ST6GAL2: variants seen among roughly 807,000 people sequenced by gnomAD.
ST6GAL2 encodes the protein beta-galactoside alpha-2,6-sialyltransferase 2.
ST6GAL2 carries 24 observed loss-of-function variants against 37.5 expected under a neutral mutation model. The ratio of observed to expected loss-of-function variants is 0.64; its 90% CI spans 0.46 to 0.90. The LOEUF (loss-of-function observed/expected upper bound fraction) is 0.90, where lower values mean the gene tolerates loss of function less well. ST6GAL2 is among the 40% of genes least tolerant of loss of function. The probability of loss-of-function intolerance (pLI) is 0.00; values close to 1 mark genes in which losing one functional copy is unlikely to be tolerated. For missense variants in ST6GAL2, 715 were observed against 712.7 expected (o/e 1.00, Z -0.04); for synonymous variants, 306 against 295.1 (o/e 1.04, Z -0.38).
chr2:106,830,442 G>A (rs950076118), intron 4 of ST6GAL2, among the ~76,000 whole-genome samples: 17 of 152,192 alleles, frequency 1.1e-4, no homozygotes, highest in Admixed American at 5.2e-4. Flanking sequence ...AGCCCTAGCA[G>A]ATATAATGCT....
intron 5 of ST6GAL2, among the ~76,000 whole-genome samples, chr2:106,826,148 G>A (rs1676193832): frequency 1.3e-5 from 2 of 152,214 alleles, no homozygotes; most frequent in African/African-American, 4.8e-5. Flanking sequence ...CCTGTTAAAT[G>A]TATGCAGTGG....
chr2:106,875,379 T>C (rs1179811135), intron 1 of ST6GAL2, among the ~76,000 whole-genome samples: 1 of 152,164 alleles, frequency 6.6e-6, no homozygotes. Context: ...GGTTTCGCCA[T>C]GTTGCCCAGG....
intron 5 of ST6GAL2, among the ~76,000 whole-genome samples, chr2:106,829,259 C>A (rs992508442): frequency 3.9e-5 from 6 of 152,152 alleles, no homozygotes; most frequent in African/African-American, 9.7e-5. Context: ...GTAACTCTGG[C>A]CAATAGAATT....
intron 1 of ST6GAL2, among the ~76,000 whole-genome samples, chr2:106,864,381 A>T (rs1351044105): frequency 6.6e-6 from 1 of 152,156 alleles, no homozygotes. Context: ...CCTTTCCATG[A>T]CCAGTGATTG....
intron 1 of ST6GAL2, among the ~76,000 whole-genome samples, chr2:106,880,716 A>T (rs1240384305): frequency 6.6e-6 from 1 of 152,176 alleles, no homozygotes; most frequent in African/African-American, 2.4e-5. Flanking sequence ...CCCAGAGATA[A>T]GCCACATAGG....
intron 1 of ST6GAL2, among the ~76,000 whole-genome samples, chr2:106,845,771 G>A (rs1573265866): frequency 6.6e-6 from 1 of 152,140 alleles, no homozygotes. Context: ...CACCCAGAGA[G>A]AGGCAGATTC....
Position 106,834,430 on chromosome 2 carries a change from T to C in ST6GAL2, c.944-284A>G, listed in dbSNP as rs914328830. On this transcript the variant is annotated intron_variant, in intron 2 of 5. Transcript: ENST00000409382. ...GATACTTGCTACCTTTTCAACATTC[T>C]TACAAGTGACATGCTTGATGCAGCC... is the stretch of plus-strand genomic sequence containing the variant. The C allele has an allele frequency of 1.7e-5, 5 of 289,456 alleles. No homozygotes were observed. The South Asian group carries it at 2.5e-4, about 14-fold the overall frequency. The allele number at this position is 289,456 out of a possible 1,614,324, so 17.9% of individuals were successfully genotyped here. A position where few individuals can be genotyped will look rare whatever the true frequency, so the allele number is the denominator to read the frequency against.
intron 5 of ST6GAL2, among the ~76,000 whole-genome samples, chr2:106,823,468 CACACACACACACACACACAG>C (rs144454766): frequency 2.3e-4 from 22 of 96,158 alleles, no homozygotes; most frequent in South Asian, 4.6e-4. Context: ...CACACACACA[CACACACACACACACACACAG>C]AGAGAGAGAG....
chr2:106,849,279 T>C (rs939642212), intron 1 of ST6GAL2, among the ~76,000 whole-genome samples: 1 of 151,720 alleles, frequency 6.6e-6, no homozygotes, highest in Non-Finnish European at 1.5e-5. Flanking sequence ...CAGAGAAACA[T>C]GAAAAACTGA....
intron 2 of ST6GAL2, among the ~76,000 whole-genome samples, chr2:106,836,725 C>G (rs1245490211): frequency 7.5e-6 from 1 of 134,050 alleles, no homozygotes; most frequent in Non-Finnish European, 1.5e-5. Context: ...GTTGGGAGTT[C>G]GAGACCAGCC....
At chr2:106,875,742 T>C (rs1423955451) in intron 1 of ST6GAL2, among the ~76,000 whole-genome samples, 2 of 152,206 alleles carry the variant, frequency 1.3e-5, no homozygotes, top group African/African-American at 2.4e-5. Flanking sequence ...CTTTAAAACA[T>C]CTCCTAAGAG....
intron 2 of ST6GAL2, among the ~76,000 whole-genome samples, chr2:106,839,138 A>G (rs1334561065): frequency 6.6e-6 from 1 of 152,170 alleles, no homozygotes; most frequent in Non-Finnish European, 1.5e-5. Context: ...GTGAAGTCTA[A>G]TATTCATAGA....
chr2:106,826,428 T>C (rs1676206854), intron 5 of ST6GAL2, among the ~76,000 whole-genome samples: 1 of 151,680 alleles, frequency 6.6e-6, no homozygotes, highest in Admixed American at 6.6e-5. Context: ...TAGTCCCAGC[T>C]ACTTGGGAGG....
intron 1 of ST6GAL2, among the ~76,000 whole-genome samples, chr2:106,878,444 A>G (rs1403944003): frequency 1.3e-5 from 2 of 152,154 alleles, no homozygotes; most frequent in Non-Finnish European, 2.9e-5. Flanking sequence ...AGCCTAGGCA[A>G]CAGAGTGAGA....
chr2:106,878,212 C>T (rs1384763456), intron 1 of ST6GAL2, among the ~76,000 whole-genome samples: 3 of 152,200 alleles, frequency 2.0e-5, no homozygotes, highest in Non-Finnish European at 4.4e-5. Flanking sequence ...GCCTGTAGTC[C>T]CAGCACTTTG....
chr2:106,828,062 G>C (rs1231032876), intron 5 of ST6GAL2, among the ~76,000 whole-genome samples: 2 of 152,104 alleles, frequency 1.3e-5, no homozygotes, highest in Non-Finnish European at 2.9e-5. Context: ...TCAGTAAATA[G>C]CTTTAAAAGG....
chr2:106,854,760 T>C (rs1357107960), intron 1 of ST6GAL2, among the ~76,000 whole-genome samples: 1 of 152,148 alleles, frequency 6.6e-6, no homozygotes, highest in African/African-American at 2.4e-5. Context: ...AGTGTACCCA[T>C]CATTAAGTAA....
At chr2:106,811,450 G>A (rs1458387733) in intron 5 of ST6GAL2, among the ~76,000 whole-genome samples, 1 of 152,042 alleles carries the variant, frequency 6.6e-6, no homozygotes, top group Non-Finnish European at 1.5e-5. Flanking sequence ...GCTGTTTGAG[G>A]CCTCCTCAAT....
chr2:106,854,786 T>G (rs1221265784), intron 1 of ST6GAL2, among the ~76,000 whole-genome samples: 1 of 152,170 alleles, frequency 6.6e-6, no homozygotes, highest in Non-Finnish European at 1.5e-5. Flanking sequence ...GTGTTTTTAC[T>G]TGCAAAAATG....
Sources: allele counts gnomAD v4.1 joint callset (sites outside exome capture counted in the v4.1 genomes callset), GRCh38; gene constraint gnomAD v4.1.1; transcripts MANE v1.5; gene names NCBI Gene and HGNC (gene_info 2026-07-23, HGNC 2026-07-21).